PHACTR1: variants seen among roughly 807,000 people sequenced by gnomAD.
PHACTR1 encodes the protein RPEL repeat containing 1.
PHACTR1 carries 16 observed loss-of-function variants against 69.2 expected under a neutral mutation model. The observed-to-expected ratio is 0.23, with a 90% CI of 0.16 to 0.35. The LOEUF is 0.35. PHACTR1 is among the 10% of genes least tolerant of loss of function. The probability of loss-of-function intolerance (pLI) is 1.00; values close to 1 mark genes in which losing one functional copy is unlikely to be tolerated. For missense variants in PHACTR1, 510 were observed against 734.7 expected (o/e 0.69, Z 3.54); for synonymous variants, 312 against 284.5 (o/e 1.10, Z -0.97).
chr6:12,841,175 A>T (rs775981201), intron 4 of PHACTR1, among the ~76,000 whole-genome samples: 1 of 152,234 alleles, frequency 6.6e-6, no homozygotes, highest in Non-Finnish European at 1.5e-5. Context: ...ATGGTATGAG[A>T]TAAGAAAACT....
Position 13,153,654 on chromosome 6 carries a change from T to A in PHACTR1, c.416-6550T>A. Among the ~76,000 whole-genome samples the A allele has an allele frequency of 1.3e-5, 2 of 152,230 alleles. 1 individual carries two copies. The highest frequency in any genetic ancestry group is 2.9e-5 in the Non-Finnish European group (2 of 68,042). ...CATTGTAAAGCCTCTGATGGTTTTC[T>A]GCATTGACTGCAGGCTGGAAATTTG... is the stretch of plus-strand genomic sequence containing the variant. On this transcript the variant is annotated intron_variant, in intron 5 of 14. Transcript: ENST00000332995.
At chr6:12,755,730 TA>T (rs1216990643) in intron 4 of PHACTR1, among the ~76,000 whole-genome samples, 1 of 152,162 alleles carries the variant, frequency 6.6e-6, no homozygotes, top group East Asian at 1.9e-4. Context: ...GTGAGGAAAC[TA>T]AATACTAATT....
chr6:12,752,376 T>C (rs1008184499), intron 4 of PHACTR1, among the ~76,000 whole-genome samples: 1 of 152,254 alleles, frequency 6.6e-6, no homozygotes, highest in Admixed American at 6.5e-5. Context: ...GAGATAATTT[T>C]GTTTATGTCT....
intron 12 of PHACTR1, chr6:13,281,489 G>T: frequency 3.0e-6 from 1 of 329,878 alleles, no homozygotes; most frequent in Non-Finnish European, 6.3e-6. Flanking sequence ...AAGAGGCGGA[G>T]GTTGCAGTGA....
At chr6:12,790,649 G>T (rs1256667688) in intron 4 of PHACTR1, among the ~76,000 whole-genome samples, 1 of 152,206 alleles carries the variant, frequency 6.6e-6, no homozygotes, top group African/African-American at 2.4e-5. Flanking sequence ...GAGAGAGACT[G>T]ATCATGGCCA....
rs117774659 is a variant in PHACTR1 at position 13,259,277 on chromosome 6, T to G, written c.1392-13583T>G. Among the ~76,000 whole-genome samples, 299 of 152,364 alleles carry G rather than the reference T, an allele frequency of 2.0e-3. 8 individuals are homozygous for G. The East Asian group carries it at 0.048, about 25-fold the overall frequency. ...ATAATCCTAATAATACTGAAAATGT[T>G]CACTGTGCAGGCTCTCAACCGTCTC... On this transcript the variant is annotated intron_variant, in intron 10 of 14. Transcript: ENST00000332995.
rs576315121 is a variant in PHACTR1 at position 13,104,257 on chromosome 6, C to T, written c.415+50728C>T. Among the ~76,000 whole-genome samples the T allele has an allele frequency of 2.0e-5, 3 of 152,048 alleles. No homozygotes were observed. The East Asian group carries it at 5.8e-4, about 29-fold the overall frequency. Reference sequence around the variant, plus strand: ...TAACAACTTACCAGTCTTTCTCTTTCATAAAAATATTTCCTTCAGCACCAT... The same window carrying T: ...TAACAACTTACCAGTCTTTCTCTTTTATAAAAATATTTCCTTCAGCACCAT... On this transcript the variant is annotated intron_variant, in intron 5 of 14. Coordinates refer to ENST00000332995, the MANE Select transcript of PHACTR1 (RefSeq NM_030948.6).
chr6:13,168,693 G>C (rs1277316470), intron 6 of PHACTR1, among the ~76,000 whole-genome samples: 1 of 152,124 alleles, frequency 6.6e-6, no homozygotes, highest in Non-Finnish European at 1.5e-5. Context: ...TATCTTAGAG[G>C]AACCCTGCGG....
intron 5 of PHACTR1, among the ~76,000 whole-genome samples, chr6:13,089,084 A>T (rs1047313263): frequency 6.6e-6 from 1 of 152,134 alleles, no homozygotes; most frequent in Admixed American, 6.5e-5. Context: ...TCAGACAGGG[A>T]CCTTCTACAG....
At chr6:13,134,795 T>TAAAAAAAAAAA (rs35318262) in intron 5 of PHACTR1, among the ~76,000 whole-genome samples, 1 of 111,364 alleles carries the variant, frequency 9.0e-6, no homozygotes, top group African/African-American at 3.9e-5. Flanking sequence ...CAATAAATAC[T>TAAAAAAAAAAA]AAAAAAAAAA....
intron 4 of PHACTR1, among the ~76,000 whole-genome samples, chr6:12,907,858 G>A (rs1236923654): frequency 6.6e-6 from 1 of 152,176 alleles, no homozygotes; most frequent in Non-Finnish European, 1.5e-5. Context: ...CCTTCCATGA[G>A]TTTTGTTCTA....
chr6:13,266,623 C>T (rs1254625522), intron 10 of PHACTR1: 1 of 152,686 alleles, frequency 6.5e-6, no homozygotes. Flanking sequence ...CTGGTGAGGC[C>T]TCAGGAAGCT....
chr6:12,883,181 C>G (rs186763983), intron 4 of PHACTR1, among the ~76,000 whole-genome samples: 24 of 152,268 alleles, frequency 1.6e-4, no homozygotes, highest in Non-Finnish European at 3.1e-4. Context: ...TTGTAGCATT[C>G]TCAGGTATAT....
At chr6:13,190,196 G>GTTTTGTTTTTTTTTT (rs1220683843) in intron 7 of PHACTR1, among the ~76,000 whole-genome samples, 2 of 31,848 alleles carry the variant, frequency 6.3e-5, no homozygotes, top group African/African-American at 2.1e-4. Flanking sequence ...GCTAATTTTT[G>GTTTTGTTTTTTTTTT]TATTTTTTTT....
At chr6:13,094,651 G>A (rs1161879161) in intron 5 of PHACTR1, among the ~76,000 whole-genome samples, 1 of 152,136 alleles carries the variant, frequency 6.6e-6, no homozygotes, top group Non-Finnish European at 1.5e-5. Context: ...AGGAGCCCAG[G>A]AACGAGGCTG....
At chr6:13,211,174 A>T (rs1215868867) in intron 8 of PHACTR1, among the ~76,000 whole-genome samples, 1 of 151,800 alleles carries the variant, frequency 6.6e-6, no homozygotes, top group Non-Finnish European at 1.5e-5. Flanking sequence ...GGTTACATGG[A>T]TAAGTTCTTT....
intron 5 of PHACTR1, among the ~76,000 whole-genome samples, chr6:13,135,995 G>A (rs1439167604): frequency 1.3e-5 from 2 of 152,124 alleles, no homozygotes; most frequent in Non-Finnish European, 2.9e-5. Context: ...GTGTTTTAAT[G>A]TATACCCTTC....
intron 7 of PHACTR1, 61 bp downstream of exon 7, chr6:13,182,747 GA>G: frequency 6.9e-7 from 1 of 1,451,844 alleles, no homozygotes; most frequent in Non-Finnish European, 9.1e-7. Context: ...AGGCACCAGG[GA>G]TCTTTGGCCT....
rs146791015 is a variant in PHACTR1, at chr6:12,827,552, A to G, written c.250+77762A>G. On this transcript the variant is annotated intron_variant, in intron 4 of 14. Transcript: ENST00000332995. ...TGGAAGATAATTTGAAATGACCACCACATCAGTGTCAATAGACAGAGTCAA... is the reference window on the plus strand; with the variant it reads ...TGGAAGATAATTTGAAATGACCACCGCATCAGTGTCAATAGACAGAGTCAA... Among the ~76,000 whole-genome samples the G allele has an allele frequency of 1.9e-4, 29 of 152,332 alleles. No individual in the cohort carries two copies. In the East Asian group the frequency reaches 5.6e-3, roughly 29 times the overall value.
Sources: allele counts gnomAD v4.1 joint callset (sites outside exome capture counted in the v4.1 genomes callset), GRCh38; gene constraint gnomAD v4.1.1; transcripts MANE v1.5; gene names NCBI Gene and HGNC (gene_info 2026-07-23, HGNC 2026-07-21).